The following ERCC3 variants were observed in gnomAD, a reference collection of about 807,000 sequenced individuals.
ERCC3 encodes general transcription and DNA repair factor IIH helicase/translocase subunit XPB.
In ERCC3, 66 loss-of-function variants were observed where a neutral mutation model predicts 94.2. That is an observed-to-expected ratio of 0.70 (90% CI 0.57 to 0.86). The LOEUF (loss-of-function observed/expected upper bound fraction) is 0.86. ERCC3 is among the 40% of genes least tolerant of loss of function. The probability of loss-of-function intolerance (pLI) is 0.00; values close to 1 mark genes in which losing one functional copy is unlikely to be tolerated. For synonymous variants in ERCC3, 349 were observed against 369.1 expected, an observed-to-expected ratio of 0.95 and a Z score of 0.63; for missense variants, 829 against 987.1, an observed-to-expected ratio of 0.84 and a Z score of 2.15.
Position 127,259,162 on chromosome 2 carries a change from T to C in ERCC3, c.2217+134A>G. On this transcript the variant is annotated intron_variant, in intron 14 of 14. Transcript: ENST00000285398. The surrounding 1 kb of genome is among the most constrained non-coding windows in gnomAD (Gnocchi z 4.9). ...GCAACAAGGATTGTTTCTGTTCATC[T>C]CTTCCGTGTTTTCCAACATTTCCAA... is the stretch of plus-strand genomic sequence containing the variant. The C allele has an allele frequency of 1.0e-6, 1 of 989,710 alleles. No homozygotes were observed. Among genetic ancestry groups the C allele is most frequent in the Non-Finnish European group, 1.6e-6 (1 of 640,424 alleles). 61.3% of individuals were successfully genotyped at this position (989,710 alleles called of 1,614,324 possible).
rs540496066 is a variant in ERCC3 at position 127,259,440 on chromosome 2, C to T, written c.2073G>A (p.Thr691=). ...VDQGYSFKVI[T]KLAGMEEEDL... is the part of the protein sequence containing the mutation. ...CTTCCTCCTCCATGCCAGCGAGTTT[C>T]GTGATCACCTGCAAAGCCCAAGCCA... Residue 691 remains threonine (T), a synonymous_variant, in exon 14 of 15, where the codon ACG becomes ACA. Coordinates refer to ENST00000285398, the MANE Select transcript of ERCC3 (RefSeq NM_000122.2). This position sits in a 1 kb window ranked among gnomAD's most constrained non-coding sequence, Gnocchi z 4.9. 14 of 1,614,164 alleles carry T rather than the reference C, an allele frequency of 8.7e-6. 1 individual carries two copies. Among genetic ancestry groups the T allele is most frequent in the South Asian group, 7.7e-5 (7 of 91,076 alleles).
intron 10 of ERCC3, among the ~76,000 whole-genome samples, chr2:127,273,922 A>AT (rs755846624): frequency 1.3e-5 from 2 of 151,952 alleles, no homozygotes; most frequent in Admixed American, 6.6e-5. Flanking sequence ...TCATAACAAC[A>AT]GTGATGATGA....
chr2:127,288,003 T>G (rs889158969), intron 7 of ERCC3, among the ~76,000 whole-genome samples: 6 of 152,020 alleles, frequency 3.9e-5, no homozygotes, highest in Non-Finnish European at 5.9e-5. Context: ...GAAAACAACA[T>G]CAAAATAACC....
chr2:127,290,237 A>G lies in ERCC3; in HGVS notation c.508T>C (p.Leu170=). ...TVSYGKVKLV[L]KHNRYFVESC... is the part of the protein sequence containing the mutation. The stretch of plus-strand genomic sequence containing the variant: ...GGAATCTCTTACCTGTTGTGCTTCA[A>G]GACCAGCTTGACTTTTCCATAGCTG... Residue 170 remains leucine, a synonymous_variant, in exon 4 of 15, where the codon TTG becomes CTG. Coordinates refer to ENST00000285398, the MANE Select transcript of ERCC3 (RefSeq NM_000122.2). 1.2e-6 allele frequency: 2 copies of G among 1,614,098 alleles called. No individual in the cohort carries two copies. Among genetic ancestry groups the G allele is most frequent in the Non-Finnish European group, 1.7e-6 (2 of 1,179,910 alleles).
At chr2:127,273,518 G>A (rs1270585828) in intron 10 of ERCC3, among the ~76,000 whole-genome samples, 1 of 151,846 alleles carries the variant, frequency 6.6e-6, no homozygotes, top group Non-Finnish European at 1.5e-5. Context: ...GGGATGCCGA[G>A]GCGGGTGGAT....
chr2:127,273,215 CT>C (rs1363458466), intron 10 of ERCC3, among the ~76,000 whole-genome samples: 1 of 152,146 alleles, frequency 6.6e-6, no homozygotes, highest in Non-Finnish European at 1.5e-5. Context: ...TTGGACTATG[CT>C]TTTTCCTGCT....
chr2:127,286,887 G>A lies in ERCC3; in HGVS notation c.1158C>T (p.Asp386=), dbSNP rs2104771276. The A allele has an allele frequency of 6.2e-7, 1 of 1,614,252 alleles. No homozygotes were observed. The highest frequency in any genetic ancestry group is 1.3e-5 in the African/African-American group (1 of 75,076). The change falls in exon 8 of 15, where the codon GAC becomes GAT. Residue 386 remains aspartate (D), a synonymous_variant. Coordinates refer to ENST00000285398, the MANE Select transcript of ERCC3 (RefSeq NM_000122.2). ...AQFKMWSTID[D]SQICRFTSDA... ...CGGAGGTGAACCGGCAGATCTGGCT[G>A]TCGTCAATGGTGGACCACATCTTGA...
chr2:127,261,786 G>C (rs1573928616), intron 12 of ERCC3: 1 of 218,160 alleles, frequency 4.6e-6, no homozygotes, highest in Non-Finnish European at 9.2e-6. Context: ...ATCACCTCAC[G>C]CCCCTCTCCG....
rs1376493101 is a variant in ERCC3 at position 127,277,468 on chromosome 2, G to A, written c.1730+1705C>T. On this transcript the variant is annotated intron_variant, in intron 10 of 14. Coordinates refer to ENST00000285398, the MANE Select transcript of ERCC3 (RefSeq NM_000122.2). The surrounding 1 kb of genome is among the most constrained non-coding windows in gnomAD (Gnocchi z 5.1). ...GCACTTTGGAAGGCCGAGGCAGGCAGATCACGAGGTCAAGAGATCGAGACC... is the reference window on the plus strand; with the variant it reads ...GCACTTTGGAAGGCCGAGGCAGGCAAATCACGAGGTCAAGAGATCGAGACC... Among the ~76,000 whole-genome samples the A allele has an allele frequency of 2.6e-5, 4 of 152,296 alleles. No individual in the cohort carries two copies. Among genetic ancestry groups the A allele is most frequent in the South Asian group, 4.1e-4 (2 of 4,822 alleles).
rs1409865167 is a variant in ERCC3, at chr2:127,264,593, C to T, written c.1946-3247G>A. Among the ~76,000 whole-genome samples, 2 of 152,132 alleles carry T rather than the reference C, an allele frequency of 1.3e-5. No individual in the cohort carries two copies. Among genetic ancestry groups the T allele is most frequent in the African/African-American group, 4.8e-5 (2 of 41,420 alleles). ...CAACTTTGCATCCCAGAAGTAAAGC[C>T]TATTTGATTGTGGTGAATTAACTTT... On this transcript the variant is annotated intron_variant, in intron 12 of 14. Coordinates refer to ENST00000285398, the MANE Select transcript of ERCC3 (RefSeq NM_000122.2). The surrounding 1 kb of genome is among the most constrained non-coding windows in gnomAD (Gnocchi z 4.4).
rs763315862 is a variant in ERCC3, at chr2:127,259,382, G to A, written c.2131C>T (p.Gln711Ter). ...LAFSTKEEQQ[Q>*]LLQKVLAATD... ...GCTGCCAGGACTTTCTGTAAGAGCT[G>A]CTGTTGCTCTTCTTTTGTCGAAAAC... The change falls in exon 14 of 15, where the codon CAG becomes TAG. Residue 711 changes from glutamine (Q) to a stop codon, truncating the protein, a stop_gained. Transcript: ENST00000285398. LOFTEE classifies it high-confidence loss of function. The surrounding 1 kb of genome is among the most constrained non-coding windows in gnomAD (Gnocchi z 4.9). 6.2e-6 allele frequency: 10 copies of A among 1,614,052 alleles called. No homozygotes were observed. The Admixed American group carries it at 8.3e-5, about 13-fold the overall frequency.
rs202107588 is a variant in ERCC3 at position 127,257,577 on chromosome 2, G to C, written c.*19C>G. On this transcript the variant is annotated 3_prime_UTR_variant, in exon 15 of 15. Transcript: ENST00000285398. The surrounding 1 kb of genome is among the most constrained non-coding windows in gnomAD (Gnocchi z 5.4). The stretch of plus-strand genomic sequence containing the variant: ...AGGGTGCCAAGCGCCGGTCTTGAAC[G>C]AAGTACCCTGCCTAAGCATCATTTC... 1 of 1,613,294 alleles carries C rather than the reference G, an allele frequency of 6.2e-7. No individual in the cohort carries two copies. Among genetic ancestry groups the C allele is most frequent in the Admixed American group, 1.7e-5 (1 of 60,028 alleles).
intron 6 of ERCC3, among the ~76,000 whole-genome samples, chr2:127,289,069 G>A (rs1298971589): frequency 2.0e-5 from 3 of 152,236 alleles, no homozygotes; most frequent in Admixed American, 6.5e-5. Context: ...TAATCAGCAG[G>A]CAAAATTGAC....
At position 127,271,454 on chromosome 2, in the gene ERCC3, C is replaced by G. The variant is rs755760603; in HGVS notation, c.1828-1G>C. On this transcript the variant is annotated splice_acceptor_variant, in intron 11 of 14. Coordinates refer to ENST00000285398, the MANE Select transcript of ERCC3 (RefSeq NM_000122.2). LOFTEE classifies it high-confidence loss of function. The surrounding 1 kb of genome is among the most constrained non-coding windows in gnomAD (Gnocchi z 5.0). The stretch of plus-strand genomic sequence containing the variant: ...GCAGATCAAACGAAGTGTCACCTAC[C>G]TACAGAAACAAGTTGGAAGGTTTTT... The G allele has an allele frequency of 5.0e-6, 8 of 1,608,340 alleles. No individual in the cohort carries two copies. In the Admixed American group the frequency reaches 5.0e-5, roughly 10 times the overall value.
chr2:127,293,859 G>A, intron 1 of ERCC3, 141 bp from the exon 2 acceptor site: 4 of 1,555,518 alleles, frequency 2.6e-6, no homozygotes, highest in Non-Finnish European at 2.6e-6. Flanking sequence ...CCCCTCACCC[G>A]TCTCCCCTAG....
chr2:127,272,112 C>T (rs1442134900), intron 11 of ERCC3, among the ~76,000 whole-genome samples: 1 of 149,710 alleles, frequency 6.7e-6, no homozygotes, highest in Non-Finnish European at 1.5e-5. Context: ...CTCCACCTCC[C>T]GGGTTCAAGT....
chr2:127,286,616 G>T, intron 8 of ERCC3, 87 bp downstream of exon 8: 1 of 1,269,546 alleles, frequency 7.9e-7, no homozygotes, highest in Non-Finnish European at 1.1e-6. Context: ...AGTTGGGTGG[G>T]CTACACAGCA....
chr2:127,260,954 T>C, intron 13 of ERCC3: 1 of 467,406 alleles, frequency 2.1e-6, no homozygotes, highest in Non-Finnish European at 4.0e-6. Context: ...CCTAGCTACC[T>C]AGAGAGGCAT....
intron 12 of ERCC3, among the ~76,000 whole-genome samples, chr2:127,266,489 CCA>C (rs1684371275): frequency 1.3e-5 from 2 of 151,498 alleles, no homozygotes; most frequent in Admixed American, 6.6e-5. Context: ...GCAACTGCCA[CCA>C]CACACCCGGC....
Sources: allele counts gnomAD v4.1 joint callset (sites outside exome capture counted in the v4.1 genomes callset), GRCh38; gene constraint gnomAD v4.1.1; non-coding constraint Gnocchi (gnomAD v3.1); transcripts MANE v1.5; gene names NCBI Gene and HGNC (gene_info 2026-07-23, HGNC 2026-07-21).